The following HNRNPU variants were observed in gnomAD, a reference collection of about 807,000 sequenced individuals.
HNRNPU encodes the protein heterogeneous nuclear ribonucleoprotein U.
A neutral mutation model predicts 94.7 loss-of-function variants in HNRNPU; 5 were observed. The ratio of observed to expected loss-of-function variants is 0.05; its 90% CI spans 0.03 to 0.11. The LOEUF (loss-of-function observed/expected upper bound fraction) is 0.11, where lower values mean the gene tolerates loss of function less well. HNRNPU is among the 10% of genes least tolerant of loss of function. HNRNPU has a pLI of 1.00. For missense variants in HNRNPU, 710 were observed against 1,049.2 expected, an observed-to-expected ratio of 0.68 and a Z score of 4.47; for synonymous variants, 434 against 381.6, an observed-to-expected ratio of 1.14 and a Z score of -1.60.
intron 10 of HNRNPU, 93 bp downstream of exon 10, chr1:244,856,361 CTAA>C: frequency 7.4e-7 from 1 of 1,346,190 alleles, no homozygotes; most frequent in Non-Finnish European, 1.0e-6. Flanking sequence ...GGCCTAAGTC[CTAA>C]TAGATTTAAC....
At chr1:244,861,667 T>C (rs2102988817) in intron 3 of HNRNPU, 1 of 151,930 alleles carries the variant, frequency 6.6e-6, no homozygotes, top group South Asian at 2.1e-4. Context: ...GAAACAGTTA[T>C]TTTTATCCTT....
Position 244,859,984 on chromosome 1 carries a change from G to A in HNRNPU, c.1017+351C>T, listed in dbSNP as rs190379956. 30 of 188,490 alleles carry A rather than the reference G, an allele frequency of 1.6e-4. 1 individual carries two copies. Among genetic ancestry groups the A allele is most frequent in the Admixed American group, 1.4e-3 (23 of 16,520 alleles). 11.7% of individuals were successfully genotyped at this position (188,490 alleles called of 1,614,324 possible). A position where few individuals can be genotyped will look rare whatever the true frequency, so the allele number is the denominator to read the frequency against. Reference sequence around the variant, plus strand: ...TCAAGACCAGCCTGGGCAACATGGTGAGACCTTGTCACTATTTTAAAAAGG... The same window carrying A: ...TCAAGACCAGCCTGGGCAACATGGTAAGACCTTGTCACTATTTTAAAAAGG... On this transcript the variant is annotated intron_variant, in intron 4 of 13. Coordinates refer to ENST00000640218, the MANE Select transcript of HNRNPU (RefSeq NM_031844.3).
Position 244,864,341 on chromosome 1 carries a change from T to C in HNRNPU, c.-34A>G. On this transcript the variant is annotated 5_prime_UTR_variant, in exon 1 of 14. Coordinates refer to ENST00000640218, the MANE Select transcript of HNRNPU (RefSeq NM_031844.3). The stretch of plus-strand genomic sequence containing the variant: ...CCCCGATTCACCGCTAGGCGCTGCC[T>C]CAAACTCGGCTCCGCTCACTCGGCC... 6.2e-7 allele frequency: 1 copy of C among 1,604,088 alleles called. No homozygotes were observed. The highest frequency in any genetic ancestry group is 8.5e-7 in the Non-Finnish European group (1 of 1,177,506).
rs1175855060 is a variant in HNRNPU, at chr1:244,851,869, T to C, written c.*2581A>G. On this transcript the variant is annotated 3_prime_UTR_variant, in exon 14 of 14. Transcript: ENST00000640218. Reference sequence around the variant, plus strand: ...TTTTAGTTTTCTCATAGCTATCTCATAGCAGTTTTAGTTTTCTCAAATTCT... The same window carrying C: ...TTTTAGTTTTCTCATAGCTATCTCACAGCAGTTTTAGTTTTCTCAAATTCT... 2 of 152,234 alleles carry C rather than the reference T, an allele frequency of 1.3e-5. No individual in the cohort carries two copies. Among genetic ancestry groups the C allele is most frequent in the Non-Finnish European group, 2.9e-5 (2 of 68,044 alleles). 9.4% of individuals were successfully genotyped at this position (152,234 alleles called of 1,614,324 possible). A position where few individuals can be genotyped will look rare whatever the true frequency, so the allele number is the denominator to read the frequency against.
chr1:244,862,939 C>G, intron 1 of HNRNPU: 1 of 587,928 alleles, frequency 1.7e-6, no homozygotes, highest in Non-Finnish European at 3.0e-6. Flanking sequence ...TTGCCAGTCT[C>G]CTCGATGATT....
At chr1:244,854,635 C>G in intron 13 of HNRNPU, 132 bp from the exon 14 acceptor site, 1 of 664,346 alleles carries the variant, frequency 1.5e-6, no homozygotes. Flanking sequence ...CCTCTGATTT[C>G]TACCAAACCA....
Position 244,858,279 on chromosome 1 carries a change from T to C in HNRNPU, c.1231-5A>G, listed in dbSNP as rs952414764. ...TACTTCATCACTTTCAAAGTTCTGTTACACAGAAAAAAATTCAACAGTTAA... is the reference window on the plus strand; with the variant it reads ...TACTTCATCACTTTCAAAGTTCTGTCACACAGAAAAAAATTCAACAGTTAA... On this transcript the variant is annotated splice_region_variant and splice_polypyrimidine_tract_variant and intron_variant, in intron 6 of 13. Transcript: ENST00000640218. 10 of 1,605,606 alleles carry C rather than the reference T, an allele frequency of 6.2e-6. No homozygotes were observed. Among genetic ancestry groups the C allele is most frequent in the Admixed American group, 3.4e-5 (2 of 58,072 alleles).
In HNRNPU at chr1:244,863,064, G is replaced by A. The variant is rs926868547; in HGVS notation, c.692-334C>T. 1.0e-5 allele frequency: 3 copies of A among 297,346 alleles called. 1 individual carries two copies. In the Admixed American group the frequency reaches 1.5e-4, roughly 15 times the overall value. 18.4% of individuals were successfully genotyped at this position (297,346 alleles called of 1,614,324 possible). On this transcript the variant is annotated intron_variant, in intron 1 of 13. Coordinates refer to ENST00000640218, the MANE Select transcript of HNRNPU (RefSeq NM_031844.3). ...GCGCGGCGGCGCTCCCCTCCCCCGCGGGCCCGCGCTCCCCGCGGCCGCATT... is the reference window on the plus strand; with the variant it reads ...GCGCGGCGGCGCTCCCCTCCCCCGCAGGCCCGCGCTCCCCGCGGCCGCATT...
chr1:244,863,095 G>T (rs986549032), intron 1 of HNRNPU: 1 of 212,408 alleles, frequency 4.7e-6, no homozygotes, highest in Non-Finnish European at 9.2e-6. Flanking sequence ...GCATTGTACT[G>T]ATCTTCCGCC....
intron 3 of HNRNPU, chr1:244,860,936 T>C (rs1015604424): frequency 6.1e-6 from 1 of 163,676 alleles, no homozygotes; most frequent in African/African-American, 2.4e-5. Context: ...ACCAGGGCTC[T>C]AGCTCCTAAA....
At chr1:244,859,117 G>A in intron 5 of HNRNPU, 158 bp downstream of exon 5, 2 of 580,508 alleles carry the variant, frequency 3.4e-6, no homozygotes, top group Non-Finnish European at 6.1e-6. Context: ...AAACTAAAAT[G>A]TAGCCTGTGC....
rs1187720091 is a variant in HNRNPU, at chr1:244,851,414, C to CA, written c.*3035dup. Reference sequence around the variant, plus strand: ...CAATTTATATTGTGAATAAATTTATCAAAAAACATGTCATCCAATTCCCAC... The same window carrying CA: ...CAATTTATATTGTGAATAAATTTATCAAAAAAACATGTCATCCAATTCCCAC... On this transcript the variant is annotated 3_prime_UTR_variant, in exon 14 of 14. Coordinates refer to ENST00000640218, the MANE Select transcript of HNRNPU (RefSeq NM_031844.3). 11 of 152,076 alleles carry CA rather than the reference C, an allele frequency of 7.2e-5. No individual in the cohort carries two copies. The highest frequency in any genetic ancestry group is 1.6e-4 in the Non-Finnish European group (11 of 67,978). 9.4% of individuals were successfully genotyped at this position (152,076 alleles called of 1,614,324 possible).
intron 8 of HNRNPU, chr1:244,857,367 C>T (rs1255027632): frequency 2.4e-6 from 1 of 410,776 alleles, no homozygotes; most frequent in Non-Finnish European, 4.3e-6. Flanking sequence ...CTGCCTCAAC[C>T]TCCCGAGCAG....
Position 244,861,787 on chromosome 1 carries a change from T to TA in HNRNPU, c.877+673dup, listed in dbSNP as rs542732969. Reference sequence around the variant, plus strand: ...ACAAGTCTGACAGTCAAAGCCCACTTAGAGGTTTGCAATACTTTCTCACTC... The same window carrying TA: ...ACAAGTCTGACAGTCAAAGCCCACTTAAGAGGTTTGCAATACTTTCTCACTC... On this transcript the variant is annotated intron_variant, in intron 3 of 13. Transcript: ENST00000640218. 39 of 150,014 alleles carry TA rather than the reference T, an allele frequency of 2.6e-4. 1 individual carries two copies. Among genetic ancestry groups the TA allele is most frequent in the African/African-American group, 7.8e-4 (32 of 40,882 alleles). 9.3% of individuals were successfully genotyped at this position (150,014 alleles called of 1,614,324 possible).
Position 244,858,143 on chromosome 1 carries a change from T to G in HNRNPU, c.1362A>C (p.Ala454=). The G allele has an allele frequency of 6.2e-7, 1 of 1,614,176 alleles. No individual in the cohort carries two copies. Among genetic ancestry groups the G allele is most frequent in the Non-Finnish European group, 8.5e-7 (1 of 1,180,030 alleles). ...CCTTCTGACCAAAATTAAATTCAAC[T>G]GCACAGTTGTGGCAGAGAACATGCG... The part of the protein sequence containing the change: ...LFPHVLCHNC[A]VEFNFGQKEK... Residue 454 remains alanine, a synonymous_variant, in exon 7 of 14, where the codon GCA becomes GCC. Coordinates refer to ENST00000640218, the MANE Select transcript of HNRNPU (RefSeq NM_031844.3).
At position 244,856,007 on chromosome 1, in the gene HNRNPU, C is replaced by T; in HGVS notation, c.2064G>A (p.Lys688=). 6.2e-7 allele frequency: 1 copy of T among 1,614,082 alleles called. No individual in the cohort carries two copies. The highest frequency in any genetic ancestry group is 8.5e-7 in the Non-Finnish European group (1 of 1,179,974). The part of the protein sequence containing the change: ...PPEKKQNTGS[K]KSNKNKSGKN... ...TGCCACTCTTATTTTTATTGCTTTT[C>T]TTTGAGCCAGTGTTCTGTTTCTTTT... Residue 688 remains lysine (K), a synonymous_variant, in exon 11 of 14, where the codon AAG becomes AAA. Coordinates refer to ENST00000640218, the MANE Select transcript of HNRNPU (RefSeq NM_031844.3).
rs1275066145 is a variant in HNRNPU, at chr1:244,857,586, C to T, written c.1614+12G>A. 1 of 1,612,072 alleles carries T rather than the reference C, an allele frequency of 6.2e-7. No homozygotes were observed. ...TTAAACACTGAGATCAGGCCCTAAA[C>T]ATTTTACTTACCATCATCTTATCCA... On this transcript the variant is annotated intron_variant, in intron 8 of 13. Coordinates refer to ENST00000640218, the MANE Select transcript of HNRNPU (RefSeq NM_031844.3).
rs1060504189 is a variant in HNRNPU, at chr1:244,860,371, A to G, written c.981T>C (p.Tyr327=). ...AFLWAGGRAS[Y]GVSKGKVCFE... is the part of the protein sequence containing the mutation. Reference sequence around the variant, plus strand: ...AACACACTTTGCCTTTTGACACACCATAGGATGCTCTTCCTCCAGCCCAAA... The same window carrying G: ...AACACACTTTGCCTTTTGACACACCGTAGGATGCTCTTCCTCCAGCCCAAA... Residue 327 remains tyrosine, a synonymous_variant, in exon 4 of 14, where the codon TAT becomes TAC. Transcript: ENST00000640218. The G allele has an allele frequency of 1.9e-6, 3 of 1,613,646 alleles. No homozygotes were observed. The Admixed American group carries it at 5.0e-5, about 27-fold the overall frequency.
intron 1 of HNRNPU, 121 bp downstream of exon 1, chr1:244,863,496 C>T (rs889314205): frequency 1.0e-4 from 125 of 1,191,690 alleles, no homozygotes; most frequent in Admixed American, 4.4e-4. Context: ...CCTCCCCCAC[C>T]CTCACCGCGG....
Sources: gnomAD v4.1 joint callset for allele counts on GRCh38, gnomAD v4.1.1 for gene constraint, MANE v1.5 for transcripts, NCBI Gene and HGNC (gene_info 2026-07-23, HGNC 2026-07-21) for gene names.